The following PSMD11 variants were observed in gnomAD, a reference collection of about 807,000 sequenced individuals.
PSMD11 encodes the protein 26S proteasome non-ATPase regulatory subunit 11.
Under a neutral mutation model 62.3 loss-of-function variants are expected in PSMD11, and 5 were observed. The observed-to-expected ratio is 0.08, with a 90% CI of 0.04 to 0.17. The LOEUF is 0.17. PSMD11 is among the 10% of genes least tolerant of loss of function. PSMD11 has a pLI of 1.00. For synonymous variants in PSMD11, 191 were observed against 191.8 expected, an observed-to-expected ratio of 1.00 and a Z score of 0.03; for missense variants, 310 against 512.9, an observed-to-expected ratio of 0.60 and a Z score of 3.82.
rs1308853657 is a variant in PSMD11, at chr17:32,481,529, T to G, written c.*777T>G. On this transcript the variant is annotated 3_prime_UTR_variant, in exon 14 of 14. Transcript: ENST00000261712. ...GCTTTTTTTTTTTTTTTAAACACAG[T>G]AAACTAGATTAGTCGTCAGTGTTTT... 6.7e-6 allele frequency: 1 copy of G among 150,372 alleles called. No homozygotes were observed. The highest frequency in any genetic ancestry group is 1.5e-5 in the Non-Finnish European group (1 of 67,762). The allele number at this position is 150,372 out of a possible 1,614,324, so 9.3% of individuals were successfully genotyped here.
intron 2 of PSMD11, among the ~76,000 whole-genome samples, chr17:32,451,343 G>A (rs1907493981): frequency 6.6e-6 from 1 of 152,226 alleles, no homozygotes; most frequent in South Asian, 2.1e-4. Context: ...AGCAGAAAGA[G>A]ATAATTAATG....
At chr17:32,459,826 C>T (rs148086914) in intron 3 of PSMD11, among the ~76,000 whole-genome samples, 70 of 151,754 alleles carry the variant, frequency 4.6e-4, no homozygotes, top group African/African-American at 1.5e-3. Context: ...GGGCTTTTGC[C>T]ATGTTGGCCA....
At chr17:32,445,880 T>C (rs1291779339) in intron 1 of PSMD11, 1 of 152,210 alleles carries the variant, frequency 6.6e-6, no homozygotes, top group Non-Finnish European at 1.5e-5. Flanking sequence ...AGGTGTTTCA[T>C]TTTAAAAGTT....
chr17:32,471,811 A>G (rs1467557903), intron 6 of PSMD11, among the ~76,000 whole-genome samples: 1 of 151,944 alleles, frequency 6.6e-6, no homozygotes, highest in Non-Finnish European at 1.5e-5. Context: ...CTGGGAGGTC[A>G]GAGACTTGGA....
chr17:32,470,407 G>A (rs1011840841), intron 6 of PSMD11, among the ~76,000 whole-genome samples: 5 of 152,006 alleles, frequency 3.3e-5, no homozygotes, highest in Non-Finnish European at 5.9e-5. Context: ...CTGTCTCCTG[G>A]GTTCAAGCGA....
At chr17:32,479,497 C>A in intron 10 of PSMD11, 121 bp downstream of exon 10, 1 of 1,363,146 alleles carries the variant, frequency 7.3e-7, no homozygotes, top group Non-Finnish European at 1.0e-6. Flanking sequence ...AAGAGGCCAC[C>A]AAGAGCTTGG....
intron 6 of PSMD11, among the ~76,000 whole-genome samples, chr17:32,470,201 C>T (rs756438247): frequency 4.0e-5 from 6 of 151,806 alleles, no homozygotes; most frequent in Non-Finnish European, 7.4e-5. Flanking sequence ...GATAGGGTTT[C>T]GCCATGTTGC....
At position 32,469,084 on chromosome 17, in the gene PSMD11, T is replaced by C; in HGVS notation, c.534T>C (p.His178=). Reference sequence around the variant, plus strand: ...AGCTTTTAGAAAGCAAAACATACCATGCCCTGAGCAACCTGCCGAAAGCCC... The same window carrying C: ...AGCTTTTAGAAAGCAAAACATACCACGCCCTGAGCAACCTGCCGAAAGCCC... ...EVQLLESKTY[H]ALSNLPKARA... The change falls in exon 6 of 14, where the codon CAT becomes CAC. Residue 178 remains histidine, a synonymous_variant. Transcript: ENST00000261712. 1 of 1,614,130 alleles carries C rather than the reference T, an allele frequency of 6.2e-7. No individual in the cohort carries two copies. Among genetic ancestry groups the C allele is most frequent in the Non-Finnish European group, 8.5e-7 (1 of 1,180,026 alleles).
At chr17:32,458,064 A>C (rs770594510) in intron 3 of PSMD11, among the ~76,000 whole-genome samples, 5 of 152,058 alleles carry the variant, frequency 3.3e-5, no homozygotes, top group Admixed American at 3.3e-4. Context: ...CTCCCAGAGT[A>C]CTGGGATTAT....
At position 32,453,405 on chromosome 17, in the gene PSMD11, A is replaced by T. The variant is rs146923030; in HGVS notation, c.194-1090A>T. ...CTGTAGTCTTGTGCAGAGGTGAATG[A>T]GGTGGCAGAATGGCGAAAAGTTTTA... On this transcript the variant is annotated intron_variant, in intron 2 of 13. Transcript: ENST00000261712. Among the ~76,000 whole-genome samples, 635 of 152,316 alleles carry T rather than the reference A, an allele frequency of 4.2e-3. 9 individuals carry two copies. The highest frequency in any genetic ancestry group is 3.5e-3 in the Non-Finnish European group (237 of 68,038).
rs975404999 is a variant in PSMD11 at position 32,483,151 on chromosome 17, A to G, written c.*2399A>G. ...CATGTGCAGCTGTCAGGCCCTTGCA[A>G]CGTGGCTGGTTCGAGCTGTGATACA... On this transcript the variant is annotated 3_prime_UTR_variant, in exon 14 of 14. Coordinates refer to ENST00000261712, the MANE Select transcript of PSMD11 (RefSeq NM_002815.4). The G allele has an allele frequency of 3.9e-5, 6 of 152,216 alleles. No individual in the cohort carries two copies. Among genetic ancestry groups the G allele is most frequent in the Non-Finnish European group, 7.3e-5 (5 of 68,050 alleles). 9.4% of individuals were successfully genotyped at this position (152,216 alleles called of 1,614,324 possible). A position where few individuals can be genotyped will look rare whatever the true frequency, so the allele number is the denominator to read the frequency against.
intron 1 of PSMD11, chr17:32,444,931 G>C (rs1441095657): frequency 6.8e-6 from 3 of 444,180 alleles, no homozygotes; most frequent in East Asian, 4.7e-5. Flanking sequence ...TGGCCCGCAC[G>C]AGCTGGTCTG....
intron 9 of PSMD11, 97 bp from the exon 10 acceptor site, chr17:32,479,154 T>C (rs959174029): frequency 2.1e-6 from 3 of 1,439,662 alleles, no homozygotes; most frequent in Non-Finnish European, 1.9e-6. Context: ...TTCAACCATG[T>C]AGTTTTATAA....
Position 32,465,572 on chromosome 17 carries a change from CTTTA to C in PSMD11, c.448+995_448+998del, listed in dbSNP as rs574298072. 3.9e-5 allele frequency among the ~76,000 whole-genome samples: 6 copies of C among 152,242 alleles called. No homozygotes were observed. The South Asian group carries it at 1.2e-3, about 32-fold the overall frequency. On this transcript the variant is annotated intron_variant, in intron 5 of 13. Coordinates refer to ENST00000261712, the MANE Select transcript of PSMD11 (RefSeq NM_002815.4). Reference sequence around the variant, plus strand: ...TCAAATAGGAGCATTTAAAAAATAACTTTAATAAGATATGGTTCACTTACCATAA... The same window carrying C: ...TCAAATAGGAGCATTTAAAAAATAACATAAGATATGGTTCACTTACCATAA...
rs34078182 is a variant in PSMD11 at position 32,469,156 on chromosome 17, C to T, written c.606C>T (p.Cys202=). The T allele has an allele frequency of 1.5e-3, 2,465 of 1,613,840 alleles. 3 individuals are homozygous for T. Among genetic ancestry groups the T allele is most frequent in the Non-Finnish European group, 2.0e-3 (2,317 of 1,179,958 alleles). Residue 202 remains cysteine (C), a synonymous_variant, in exon 6 of 14, where the codon TGC becomes TGT. Coordinates refer to ENST00000261712, the MANE Select transcript of PSMD11 (RefSeq NM_002815.4). ...GAACCACAGCAAATGCCATCTACTG[C>T]CCCCCTAAATTGCAGGCCACCTTGG... The part of the protein sequence containing the change: ...SARTTANAIY[C]PPKLQATLDM...
Position 32,478,713 on chromosome 17 carries a change from A to G in PSMD11, c.913-538A>G, listed in dbSNP as rs996616989. ...CAGCATTTCCTATTCTTTAACCTCA[A>G]TGTTCTTTTTTTCCCCCCCATGGAG... On this transcript the variant is annotated intron_variant, in intron 9 of 13. Transcript: ENST00000261712. 3.9e-5 allele frequency among the ~76,000 whole-genome samples: 6 copies of G among 152,210 alleles called. No homozygotes were observed. The South Asian group carries it at 8.3e-4, about 21-fold the overall frequency.
Position 32,477,506 on chromosome 17 carries a change from T to C in PSMD11, c.850-15T>C. ...CAGAATAAATCGCTTTCATGGTTTG[T>C]CTCTTTATTCTCAGACAGAAGCATT... On this transcript the variant is annotated splice_polypyrimidine_tract_variant and intron_variant, in intron 8 of 13. Transcript: ENST00000261712. 1 of 1,595,312 alleles carries C rather than the reference T, an allele frequency of 6.3e-7. No individual in the cohort carries two copies. The highest frequency in any genetic ancestry group is 1.1e-5 in the South Asian group (1 of 88,668).
chr17:32,467,523 G>C (rs556282542), intron 5 of PSMD11, among the ~76,000 whole-genome samples: 1 of 152,228 alleles, frequency 6.6e-6, no homozygotes, highest in Non-Finnish European at 1.5e-5. Context: ...TGGGATTACA[G>C]GCTTGAGCCA....
At position 32,480,644 on chromosome 17, in the gene PSMD11, T is replaced by C. The variant is rs1395752090; in HGVS notation, c.*13T>C. 4 of 1,613,946 alleles carry C rather than the reference T, an allele frequency of 2.5e-6. No homozygotes were observed. Among genetic ancestry groups the C allele is most frequent in the Non-Finnish European group, 3.4e-6 (4 of 1,179,896 alleles). On this transcript the variant is annotated intron_variant, in intron 13 of 13. Transcript: ENST00000261712. ...GAAACTGACATAGGTGAGTGCTGGC[T>C]TCAGGACCCCAGGGCTGGGCAGCTC...
Sources: allele counts gnomAD v4.1 joint callset (sites outside exome capture counted in the v4.1 genomes callset), GRCh38; gene constraint gnomAD v4.1.1; transcripts MANE v1.5; gene names NCBI Gene and HGNC (gene_info 2026-07-23, HGNC 2026-07-21).